The following ESR1 variants were observed in gnomAD, a reference collection of about 807,000 sequenced individuals.
ESR1 encodes the protein estrogen receptor 1, also known as estrogen receptor.
ESR1 carries 12 observed loss-of-function variants against 52.7 expected under a neutral mutation model. The ratio of observed to expected loss-of-function variants is 0.23; its 90% CI spans 0.15 to 0.37. ESR1 has a LOEUF of 0.37. Among genes scored for constraint, ESR1 ranks in the 10% least tolerant of loss-of-function variants. The pLI, the probability that ESR1 is intolerant of heterozygous loss-of-function variation, is 1.00. For missense variants in ESR1, 584 were observed against 779.7 expected (o/e 0.75, Z 2.99); for synonymous variants, 305 against 316.8 (o/e 0.96, Z 0.39).
chr6:152,042,389 C>T (rs539104190), intron 5 of ESR1, among the ~76,000 whole-genome samples: 5 of 152,310 alleles, frequency 3.3e-5, no homozygotes, highest in East Asian at 1.9e-4. Context: ...TGGAGGACCA[C>T]GTGATGTTTT....
Position 152,099,346 on chromosome 6 carries a change from G to A in ESR1, c.*380G>A, listed in dbSNP as rs552623022. The A allele has an allele frequency of 3.8e-5, 14 of 371,608 alleles. No individual in the cohort carries two copies. The highest frequency in any genetic ancestry group is 7.7e-5 in the South Asian group (2 of 26,098). The allele number at this position is 371,608 out of a possible 1,614,324, so 23.0% of individuals were successfully genotyped here. On this transcript the variant is annotated 3_prime_UTR_variant, in exon 8 of 8. Coordinates refer to ENST00000206249, the MANE Select transcript of ESR1 (RefSeq NM_000125.4). ...AGAGTAGACATTTTGCCTCTGATAA[G>A]CACTTTTTAAATGGCTCTAAGAATA...
chr6:151,747,617 A>G (rs998206734), intron 2 of ESR1, among the ~76,000 whole-genome samples: 1 of 152,216 alleles, frequency 6.6e-6, no homozygotes, highest in Non-Finnish European at 1.5e-5. Context: ...CATTTAAAGT[A>G]CAAAGCTCAG....
intron 1 of ESR1, among the ~76,000 whole-genome samples, chr6:151,832,833 G>A (rs912576808): frequency 2.0e-5 from 3 of 152,132 alleles, no homozygotes; most frequent in Non-Finnish European, 4.4e-5. Context: ...ATGCAATAAG[G>A]AACACAGAAT....
intron 3 of ESR1, among the ~76,000 whole-genome samples, chr6:151,898,191 T>C (rs1260810359): frequency 1.3e-5 from 2 of 152,202 alleles, no homozygotes; most frequent in African/African-American, 4.8e-5. Flanking sequence ...CTTTTTGTGA[T>C]GAATTTTTCA....
Position 151,808,232 on chromosome 6 carries a change from C to T in ESR1, c.320C>T (p.Pro107Leu). ...CCACTCAACAGCGTGTCTCCGAGCCCGCTGATGCTACTGCACCCGCCGCCG... is the reference window on the plus strand; with the variant it reads ...CCACTCAACAGCGTGTCTCCGAGCCTGCTGATGCTACTGCACCCGCCGCCG... The part of the protein sequence containing the change: ...FPPLNSVSPS[P>L]LMLLHPPPQL... Residue 107 changes from proline (P) to leucine (L), a missense_variant, in exon 1 of 8, where the codon CCG becomes CTG. By Grantham distance (98) the Pro-to-Leu change is moderately conservative. Around this residue, in one of 6 missense-constraint regions of ESR1, gnomAD observed 251 missense variants for 246.1 expected, o/e 1.02. Transcript: ENST00000206249. 7 of 1,572,406 alleles carry T rather than the reference C, an allele frequency of 4.5e-6. No homozygotes were observed. The highest frequency in any genetic ancestry group is 6.0e-6 in the Non-Finnish European group (7 of 1,159,044).
intron 5 of ESR1, 49 bp downstream of exon 5, chr6:152,011,843 AG>A (rs779303106): frequency 3.8e-6 from 6 of 1,596,122 alleles, no homozygotes; most frequent in Non-Finnish European, 5.1e-6. Flanking sequence ...TTACGATCAT[AG>A]TTCATTCATG....
intron 2 of ESR1, among the ~76,000 whole-genome samples, chr6:151,716,495 T>C (rs532917426): frequency 4.6e-5 from 7 of 152,356 alleles, no homozygotes; most frequent in African/African-American, 1.2e-4. Context: ...AGCCCCTGAC[T>C]GGGACTGCTG....
At chr6:152,109,490 A>G (rs530218755) in intron 6 of ESR1, among the ~76,000 whole-genome samples, 1 of 150,388 alleles carries the variant, frequency 6.6e-6, no homozygotes, top group South Asian at 2.1e-4. Flanking sequence ...ACATGGAGAA[A>G]CTCCGTCTCT....
intron 5 of ESR1, among the ~76,000 whole-genome samples, chr6:152,052,743 A>G (rs1279032305): frequency 1.3e-5 from 2 of 152,004 alleles, no homozygotes; most frequent in Non-Finnish European, 2.9e-5. Flanking sequence ...GATGAGAAGG[A>G]CACCTCCAAA....
exon 7 of ESR1, chr6:152,127,635 G>A (rs1226646654): frequency 6.6e-6 from 1 of 152,172 alleles, no homozygotes; most frequent in Non-Finnish European, 1.5e-5. Flanking sequence ...AATAGCAACA[G>A]AGAAACCTAT....
intron 5 of ESR1, among the ~76,000 whole-genome samples, chr6:152,016,219 GAGT>G (rs1246447451): frequency 1.3e-5 from 2 of 152,084 alleles, no homozygotes; most frequent in African/African-American, 2.4e-5. Flanking sequence ...GTGGAACTCT[GAGT>G]CAATTAAACC....
At chr6:151,925,917 A>G in intron 3 of ESR1, among the ~76,000 whole-genome samples, 1 of 152,092 alleles carries the variant, frequency 6.6e-6, no homozygotes, top group African/African-American at 2.4e-5. Context: ...TTCTTCAAGA[A>G]GTAGTTTTAT....
chr6:151,999,304 T>G (rs2041762552), intron 4 of ESR1, among the ~76,000 whole-genome samples: 1 of 152,128 alleles, frequency 6.6e-6, no homozygotes, highest in Non-Finnish European at 1.5e-5. Flanking sequence ...AATCTTCAAA[T>G]CTTGATGCAT....
intron 2 of ESR1, among the ~76,000 whole-genome samples, chr6:151,795,878 G>C (rs566694029): frequency 3.3e-5 from 5 of 152,100 alleles, no homozygotes. Context: ...GGCCGGGTGC[G>C]GTGGCTCACG....
chr6:151,833,610 A>G (rs900320578), intron 1 of ESR1, among the ~76,000 whole-genome samples: 2 of 152,168 alleles, frequency 1.3e-5, no homozygotes, highest in African/African-American at 2.4e-5. Flanking sequence ...TAATCATCCA[A>G]CTGTGTATCA....
At chr6:151,710,832 A>G (rs1250160663) in intron 2 of ESR1, among the ~76,000 whole-genome samples, 1 of 151,922 alleles carries the variant, frequency 6.6e-6, no homozygotes, top group Non-Finnish European at 1.5e-5. Context: ...TAGTTTGCTG[A>G]GAATGATGAT....
intron 6 of ESR1, among the ~76,000 whole-genome samples, chr6:152,084,924 T>C (rs2049574123): frequency 6.6e-6 from 1 of 152,216 alleles, no homozygotes; most frequent in African/African-American, 2.4e-5. Flanking sequence ...AAAGGTCTCC[T>C]ATGAAAACCA....
At chr6:152,117,495 G>A (rs2051223890) in intron 6 of ESR1, among the ~76,000 whole-genome samples, 1 of 152,178 alleles carries the variant, frequency 6.6e-6, no homozygotes, top group Non-Finnish European at 1.5e-5. Context: ...ATTCAGTTAT[G>A]TTCCCACTCT....
At chr6:151,804,260 T>C (rs1185504557), upstream of ESR1, among the ~76,000 whole-genome samples, 1 of 152,238 alleles carries the variant, frequency 6.6e-6, no homozygotes, top group Non-Finnish European at 1.5e-5. Flanking sequence ...CTTCTTGGGC[T>C]AACTTTGATT....
Sources: allele counts gnomAD v4.1 joint callset (sites outside exome capture counted in the v4.1 genomes callset), GRCh38; gene constraint gnomAD v4.1.1; regional missense constraint gnomAD v4.1.1; transcripts MANE v1.5; gene names NCBI Gene and HGNC (gene_info 2026-07-23, HGNC 2026-07-21).